Variants in HIBADH observed in about 807,000 individuals in gnomAD.
HIBADH encodes the protein 3-hydroxyisobutyrate dehydrogenase, also known as 3-hydroxyisobutyrate dehydrogenase, mitochondrial.
A neutral mutation model predicts 36.1 loss-of-function variants in HIBADH; 25 were observed. That is an observed-to-expected ratio of 0.69 (90% CI 0.50 to 0.97). HIBADH has a LOEUF of 0.97. Ranked by LOEUF, HIBADH falls within the 50% of genes least tolerant of loss-of-function variation. HIBADH has a pLI of 0.00. For synonymous variants in HIBADH, 160 were observed against 149.5 expected (o/e 1.07, Z -0.51); for missense variants, 421 against 418.0 (o/e 1.01, Z -0.06).
chr7:27,612,999 G>GAT (rs922307090), intron 4 of HIBADH, among the ~76,000 whole-genome samples: 6 of 127,086 alleles, frequency 4.7e-5, no homozygotes, highest in Non-Finnish European at 6.5e-5. Context: ...ATATATATAG[G>GAT]ATATATATAT....
At chr7:27,536,421 TAG>T (rs1197047433) in intron 6 of HIBADH, among the ~76,000 whole-genome samples, 2 of 152,160 alleles carry the variant, frequency 1.3e-5, no homozygotes, top group Non-Finnish European at 2.9e-5. Flanking sequence ...AGTATATATG[TAG>T]AGTTTTAGAA....
At chr7:27,632,080 T>C (rs959371454) in intron 3 of HIBADH, among the ~76,000 whole-genome samples, 2 of 152,142 alleles carry the variant, frequency 1.3e-5, no homozygotes, top group Non-Finnish European at 2.9e-5. Context: ...AACATGTTAC[T>C]AGTGAAAGGG....
In HIBADH at chr7:27,542,960, A is replaced by C. The variant is rs756256591; in HGVS notation, c.618+7T>G. Reference sequence around the variant, plus strand: ...TCAAGTCAAGGTCATTAATGTAAAAATCTTACCTGCCCAGTCCCAACAGCT... The same window carrying C: ...TCAAGTCAAGGTCATTAATGTAAAACTCTTACCTGCCCAGTCCCAACAGCT... On this transcript the variant is annotated splice_region_variant and intron_variant, in intron 5 of 7. Transcript: ENST00000265395. 7 of 1,611,942 alleles carry C rather than the reference A, an allele frequency of 4.3e-6. No individual in the cohort carries two copies. The highest frequency in any genetic ancestry group is 5.9e-6 in the Non-Finnish European group (7 of 1,179,144).
At chr7:27,530,564 C>A (rs1783980404) in intron 7 of HIBADH, among the ~76,000 whole-genome samples, 1 of 152,012 alleles carries the variant, frequency 6.6e-6, no homozygotes. Context: ...CAAAAACCAA[C>A]CCTCAACTGG....
chr7:27,557,809 T>C (rs984759589), intron 4 of HIBADH, among the ~76,000 whole-genome samples: 9 of 152,246 alleles, frequency 5.9e-5, no homozygotes, highest in African/African-American at 2.2e-4. Context: ...CCAGTAAGTA[T>C]TAACACCTGA....
chr7:27,589,825 ACCC>A (rs1784915113), intron 4 of HIBADH, among the ~76,000 whole-genome samples: 1 of 152,110 alleles, frequency 6.6e-6, no homozygotes, highest in Non-Finnish European at 1.5e-5. Context: ...ATGTGAACAT[ACCC>A]AAGTCATACA....
chr7:27,550,252 A>G (rs1314885289), intron 4 of HIBADH, among the ~76,000 whole-genome samples: 1 of 152,038 alleles, frequency 6.6e-6, no homozygotes, highest in Non-Finnish European at 1.5e-5. Context: ...TTTTTTCTCC[A>G]TTAAGTTATT....
At chr7:27,613,140 A>G (rs1195382689) in intron 4 of HIBADH, among the ~76,000 whole-genome samples, 1 of 117,988 alleles carries the variant, frequency 8.5e-6, no homozygotes, top group Non-Finnish European at 1.7e-5. Context: ...ATATTTATAT[A>G]AATATATTTT....
At chr7:27,557,803 T>G (rs548904564) in intron 4 of HIBADH, among the ~76,000 whole-genome samples, 1 of 152,220 alleles carries the variant, frequency 6.6e-6, no homozygotes, top group Non-Finnish European at 1.5e-5. Flanking sequence ...CATTGGCCAG[T>G]AAGTATTAAC....
At position 27,531,046 on chromosome 7, in the gene HIBADH, T is replaced by A; in HGVS notation, c.852+146A>T. The A allele has an allele frequency of 3.9e-6, 3 of 777,474 alleles. No homozygotes were observed. In the South Asian group the frequency reaches 6.3e-5, roughly 16 times the overall value. 48.2% of individuals were successfully genotyped at this position (777,474 alleles called of 1,614,324 possible). A position where few individuals can be genotyped will look rare whatever the true frequency, so the allele number is the denominator to read the frequency against. ...GATAAGGATTTTCATCTAAGTTAGG[T>A]TTTTACTCATTTTCAGTGAGAGTGA... On this transcript the variant is annotated intron_variant, in intron 7 of 7. Coordinates refer to ENST00000265395, the MANE Select transcript of HIBADH (RefSeq NM_152740.4).
At chr7:27,650,639 C>T (rs548758738) in intron 1 of HIBADH, among the ~76,000 whole-genome samples, 2 of 150,034 alleles carry the variant, frequency 1.3e-5, no homozygotes, top group Admixed American at 6.6e-5. Context: ...ATCACAGACA[C>T]GCACCACCAT....
intron 4 of HIBADH, among the ~76,000 whole-genome samples, chr7:27,585,320 A>T (rs1413479864): frequency 6.6e-6 from 1 of 152,084 alleles, no homozygotes; most frequent in Non-Finnish European, 1.5e-5. Flanking sequence ...TTTTTGATGC[A>T]TACTACCAAA....
At chr7:27,576,000 C>T (rs1264372009) in intron 4 of HIBADH, among the ~76,000 whole-genome samples, 1 of 152,164 alleles carries the variant, frequency 6.6e-6, no homozygotes, top group Admixed American at 6.5e-5. Context: ...AAGTCACATT[C>T]TTCTACTCAT....
At chr7:27,565,737 T>A (rs1472032390) in intron 4 of HIBADH, among the ~76,000 whole-genome samples, 1 of 152,202 alleles carries the variant, frequency 6.6e-6, no homozygotes, top group Non-Finnish European at 1.5e-5. Flanking sequence ...GGAAAGCATT[T>A]AGTCTTTCAC....
chr7:27,553,004 G>T (rs932441921), intron 4 of HIBADH, among the ~76,000 whole-genome samples: 1 of 152,154 alleles, frequency 6.6e-6, no homozygotes, highest in African/African-American at 2.4e-5. Context: ...TTTTAGAAGA[G>T]ATACCTATAT....
intron 2 of HIBADH, among the ~76,000 whole-genome samples, chr7:27,645,372 T>TTTTTTTTTTTTG (rs1786046453): frequency 1.7e-5 from 2 of 118,906 alleles, no homozygotes; most frequent in African/African-American, 3.5e-5. Flanking sequence ...GTTTTGATTT[T>TTTTTTTTTTTTG]TTTTTTTTTT....
chr7:27,634,073 G>A (rs1157005565), intron 2 of HIBADH, among the ~76,000 whole-genome samples: 2 of 152,090 alleles, frequency 1.3e-5, no homozygotes, highest in Admixed American at 6.5e-5. Flanking sequence ...TCAAATTCAG[G>A]ATAAATGTAG....
chr7:27,549,369 A>T (rs185949591), intron 4 of HIBADH, among the ~76,000 whole-genome samples: 322 of 152,294 alleles, frequency 2.1e-3, no homozygotes, highest in African/African-American at 7.5e-3. Context: ...TATGTTGTAC[A>T]TGCTAAATAT....
At chr7:27,561,323 G>C (rs1366212585) in intron 4 of HIBADH, among the ~76,000 whole-genome samples, 1 of 151,920 alleles carries the variant, frequency 6.6e-6, no homozygotes, top group African/African-American at 2.4e-5. Context: ...TAATATACAG[G>C]ATTTTCATTA....
Sources: gnomAD v4.1 joint callset for allele counts (sites outside exome capture counted in the v4.1 genomes callset) on GRCh38, gnomAD v4.1.1 for gene constraint, MANE v1.5 for transcripts, NCBI Gene and HGNC (gene_info 2026-07-23, HGNC 2026-07-21) for gene names.